Variants in FBXL2 observed in about 807,000 individuals in gnomAD.
The protein encoded by FBXL2 is F-box and leucine rich repeat protein 2, also known as F-box/LRR-repeat protein 2.
A neutral mutation model predicts 69.2 loss-of-function variants in FBXL2; 38 were observed. The ratio of observed to expected loss-of-function variants is 0.55; its 90% CI spans 0.42 to 0.72. The LOEUF is 0.72. Among genes scored for constraint, FBXL2 ranks in the 30% least tolerant of loss-of-function variants. The pLI, the probability that FBXL2 is intolerant of heterozygous loss-of-function variation, is 0.00. For missense variants in FBXL2, 354 were observed against 520.3 expected, an observed-to-expected ratio of 0.68 and a Z score of 3.11; for synonymous variants, 192 against 201.3, an observed-to-expected ratio of 0.95 and a Z score of 0.39.
At chr3:33,379,500 G>C (rs187506277) in intron 13 of FBXL2, among the ~76,000 whole-genome samples, 255 of 146,296 alleles carry the variant, frequency 1.7e-3, no homozygotes, top group African/African-American at 6.3e-3. Flanking sequence ...GATTACAGGC[G>C]TGCACCACCA....
chr3:33,409,159 T>C, the FBXL2 span: 2 of 1,385,372 alleles, frequency 1.4e-6, no homozygotes, highest in Non-Finnish European at 2.0e-6. Flanking sequence ...AACCCTTTTG[T>C]AGCAGAACTC....
At chr3:33,306,848 C>T (rs1037501055) in intron 2 of FBXL2, among the ~76,000 whole-genome samples, 2 of 152,012 alleles carry the variant, frequency 1.3e-5, no homozygotes, top group Non-Finnish European at 2.9e-5. Flanking sequence ...TGCTTATTGT[C>T]TACATCATTA....
At chr3:33,313,615 G>GTTT (rs766273521) in intron 2 of FBXL2, among the ~76,000 whole-genome samples, 2,092 of 148,314 alleles carry the variant, frequency 0.014, 65 homozygotes, top group African/African-American at 0.047. Flanking sequence ...TCAGATAATT[G>GTTT]TTTTATTTTT....
chr3:33,359,363 T>C lies in FBXL2; in HGVS notation c.195+6T>C. 6.2e-7 allele frequency: 1 copy of C among 1,607,906 alleles called. No individual in the cohort carries two copies. The highest frequency in any genetic ancestry group is 2.2e-5 in the East Asian group (1 of 44,752). On this transcript the variant is annotated splice_donor_region_variant and intron_variant, in intron 4 of 14. Coordinates refer to ENST00000484457, the MANE Select transcript of FBXL2 (RefSeq NM_012157.5). ...ACTTTCAAACAGATGTAGAGGTAAG[T>C]TAGCTTTGGTTTAGACAAAAAACTT...
intron 2 of FBXL2, chr3:33,302,999 A>C (rs2036417272): frequency 2.2e-6 from 1 of 452,770 alleles, no homozygotes; most frequent in Non-Finnish European, 4.4e-6. Context: ...GGTCCTTGGC[A>C]AGCAGTACAG....
intron 4 of FBXL2, among the ~76,000 whole-genome samples, chr3:33,362,402 C>T (rs1449755561): frequency 6.6e-6 from 1 of 152,176 alleles, no homozygotes; most frequent in Admixed American, 6.5e-5. Context: ...GCCCTTCATT[C>T]TAAAAGCATG....
intron 2 of FBXL2, chr3:33,302,925 C>A (rs1435391152): frequency 7.9e-6 from 2 of 254,566 alleles, no homozygotes; most frequent in East Asian, 1.8e-4. Flanking sequence ...TAAGCCAATC[C>A]CATGAGTGAA....
chr3:33,407,394 T>C (rs2044455394), downstream of FBXL2, among the ~76,000 whole-genome samples: 1 of 152,104 alleles, frequency 6.6e-6, no homozygotes, highest in Admixed American at 6.5e-5. Flanking sequence ...AGAGGAAAAG[T>C]GAGTTGCCAG....
intron 2 of FBXL2, among the ~76,000 whole-genome samples, chr3:33,325,353 C>CTT (rs1264493509): frequency 6.6e-6 from 1 of 152,212 alleles, no homozygotes; most frequent in Non-Finnish European, 1.5e-5. Flanking sequence ...TGAGAAAGGG[C>CTT]ATCCTTGTCT....
chr3:33,368,337 C>T (rs1029283356), intron 5 of FBXL2, among the ~76,000 whole-genome samples: 1 of 152,220 alleles, frequency 6.6e-6, no homozygotes, highest in African/African-American at 2.4e-5. Flanking sequence ...TATTTCTCCT[C>T]ACAGTCCTAT....
At chr3:33,401,117 A>G in intron 12 of FBXL2, 2 of 1,118,916 alleles carry the variant, frequency 1.8e-6, no homozygotes, top group Non-Finnish European at 2.5e-6. Flanking sequence ...GCAAATTTCA[A>G]GTAAGGCAAC....
intron 5 of FBXL2, among the ~76,000 whole-genome samples, chr3:33,366,501 TA>T (rs1006675773): frequency 2.7e-5 from 4 of 150,874 alleles, no homozygotes; most frequent in African/African-American, 9.7e-5. Context: ...ACCCCATCTC[TA>T]AAAAAAAATT....
rs563877549 is a variant in FBXL2, at chr3:33,398,635, C to T, written n.1215-4599C>T. On this transcript the variant is annotated intron_variant and non_coding_transcript_variant, in intron 12 of 12. Transcript: ENST00000463736. Reference sequence around the variant, plus strand: ...CCAAAGGGTACCATGGCTAGCTCCTCGCCCACTTTCTTGGAAGAAGCCCCC... The same window carrying T: ...CCAAAGGGTACCATGGCTAGCTCCTTGCCCACTTTCTTGGAAGAAGCCCCC... 9.8e-5 allele frequency among the ~76,000 whole-genome samples: 15 copies of T among 152,322 alleles called. No individual in the cohort carries two copies. In the South Asian group the frequency reaches 2.3e-3, roughly 23 times the overall value.
chr3:33,369,013 T>C (rs1347061813), intron 5 of FBXL2, among the ~76,000 whole-genome samples: 2 of 152,110 alleles, frequency 1.3e-5, no homozygotes, highest in African/African-American at 4.8e-5. Flanking sequence ...ATTTGTCCCA[T>C]ACATCCTTTT....
intron 1 of FBXL2, among the ~76,000 whole-genome samples, chr3:33,294,119 C>T (rs116088207): frequency 0.015 from 2,252 of 152,070 alleles, 23 homozygotes; most frequent in South Asian, 0.037. Flanking sequence ...TTTTTTGAGA[C>T]GGAGTCTTGC....
chr3:33,342,893 G>GGTT (rs774206323), intron 2 of FBXL2, among the ~76,000 whole-genome samples: 1 of 99,306 alleles, frequency 1.0e-5, no homozygotes, highest in African/African-American at 3.9e-5. Context: ...ACGCCCAGCT[G>GGTT]TTTTTTTTTT....
chr3:33,352,940 A>T (rs533334805), intron 2 of FBXL2, among the ~76,000 whole-genome samples: 1 of 152,286 alleles, frequency 6.6e-6, no homozygotes, highest in Non-Finnish European at 1.5e-5. Context: ...AACCCATCTC[A>T]ATAGTGAGAA....
intron 2 of FBXL2, among the ~76,000 whole-genome samples, chr3:33,340,576 TAAAAAAAAAAAA>T (rs111348589): frequency 2.7e-5 from 3 of 110,122 alleles, no homozygotes; most frequent in Admixed American, 1.9e-4. Flanking sequence ...TTATTTTGAT[TAAAAAAAAAAAA>T]AAAAAAAAAA....
chr3:33,374,056 T>C (rs2042475105), intron 9 of FBXL2, 135 bp downstream of exon 9: 4 of 706,968 alleles, frequency 5.7e-6, no homozygotes, highest in Middle Eastern at 6.1e-4. Context: ...TCCTGTGTCC[T>C]TATATAACCT....
Sources: gnomAD v4.1 joint callset for allele counts (sites outside exome capture counted in the v4.1 genomes callset) on GRCh38, gnomAD v4.1.1 for gene constraint, MANE v1.5 for transcripts, NCBI Gene and HGNC (gene_info 2026-07-23, HGNC 2026-07-21) for gene names.